The following SHANK2 variants were observed in gnomAD, a reference collection of about 807,000 sequenced individuals.
SHANK2 encodes the protein SH3 and multiple ankyrin repeat domains 2.
A neutral mutation model predicts 133.7 loss-of-function variants in SHANK2; 43 were observed. That is an observed-to-expected ratio of 0.32 (90% CI 0.25 to 0.41). The LOEUF is 0.41. SHANK2 is among the 10% of genes least tolerant of loss of function. SHANK2 has a pLI of 1.00. For synonymous variants in SHANK2, 1,017 were observed against 952.8 expected, an observed-to-expected ratio of 1.07 and a Z score of -1.24; for missense variants, 1,994 against 2,235.8, an observed-to-expected ratio of 0.89 and a Z score of 2.18.
intron 17 of SHANK2, among the ~76,000 whole-genome samples, chr11:70,625,249 G>A (rs562178041): frequency 6.6e-6 from 1 of 152,278 alleles, no homozygotes; most frequent in South Asian, 2.1e-4. Context: ...CAACACGCAT[G>A]GGGCATTGCC....
intron 17 of SHANK2, among the ~76,000 whole-genome samples, chr11:70,531,296 G>A (rs2059466680): frequency 6.6e-6 from 1 of 152,310 alleles, no homozygotes; most frequent in East Asian, 1.9e-4. Context: ...AGCCCCATGA[G>A]TGCCTCTCTG....
intron 17 of SHANK2, among the ~76,000 whole-genome samples, chr11:70,620,316 G>A (rs149838182): frequency 1.6e-3 from 247 of 152,292 alleles, no homozygotes; most frequent in African/African-American, 5.8e-3. Flanking sequence ...ACCTTGCCGG[G>A]GCCTCATCAG....
intron 2 of SHANK2, among the ~76,000 whole-genome samples, chr11:71,173,247 A>C (rs138512285): frequency 1.4e-3 from 215 of 152,396 alleles, no homozygotes; most frequent in Admixed American, 4.6e-3. Context: ...GGACAAGATG[A>C]AACGGAAGAG....
intron 10 of SHANK2, among the ~76,000 whole-genome samples, chr11:70,924,293 C>T (rs186374122): frequency 2.6e-5 from 4 of 151,734 alleles, no homozygotes; most frequent in African/African-American, 7.3e-5. Context: ...GAGCTCAGTC[C>T]GTGCCTCCTG....
chr11:71,184,147 G>A (rs1203040135), intron 2 of SHANK2, among the ~76,000 whole-genome samples: 6 of 152,118 alleles, frequency 3.9e-5, no homozygotes, highest in African/African-American at 1.4e-4. Context: ...TGCCTGGCAC[G>A]GTTCCCAGGC....
intron 1 of SHANK2, among the ~76,000 whole-genome samples, chr11:71,246,291 T>C (rs1555124978): frequency 1.3e-5 from 2 of 151,934 alleles, no homozygotes; most frequent in Non-Finnish European, 2.9e-5. Flanking sequence ...TCCAGACTCT[T>C]GGCCATTCCC....
At chr11:70,774,495 T>C (rs1296489864) in intron 14 of SHANK2, among the ~76,000 whole-genome samples, 1 of 152,122 alleles carries the variant, frequency 6.6e-6, no homozygotes, top group African/African-American at 2.4e-5. Flanking sequence ...AATTTTTGTA[T>C]TTTTAGTAGA....
chr11:70,516,185 G>A (rs1554970047), intron 17 of SHANK2, among the ~76,000 whole-genome samples: 2 of 152,168 alleles, frequency 1.3e-5, no homozygotes, highest in African/African-American at 2.4e-5. Context: ...AATATCGAAG[G>A]AGGACAAAGT....
At chr11:70,595,721 G>A (rs532358317) in intron 17 of SHANK2, among the ~76,000 whole-genome samples, 3 of 152,338 alleles carry the variant, frequency 2.0e-5, no homozygotes, top group African/African-American at 4.8e-5. Context: ...CCACCGCCCC[G>A]GGTAGCGGGG....
chr11:70,869,975 A>G (rs1018849994), intron 11 of SHANK2, among the ~76,000 whole-genome samples: 10 of 152,060 alleles, frequency 6.6e-5, no homozygotes, highest in Non-Finnish European at 1.3e-4. Flanking sequence ...GTCCCCCCAA[A>G]TCCATGTCCA....
intron 17 of SHANK2, among the ~76,000 whole-genome samples, chr11:70,624,532 C>T (rs78670228): frequency 2.9e-5 from 4 of 138,266 alleles, no homozygotes; most frequent in Admixed American, 7.3e-5. Context: ...CAACCTTCTT[C>T]AAAAAAAAAA....
intron 11 of SHANK2, among the ~76,000 whole-genome samples, chr11:70,890,669 C>T (rs1328322958): frequency 3.3e-5 from 5 of 151,798 alleles, no homozygotes; most frequent in East Asian, 1.9e-4. Flanking sequence ...TATGGTAGCG[C>T]GTGCCTGTAA....
chr11:70,736,983 G>A (rs1364754866), intron 14 of SHANK2, among the ~76,000 whole-genome samples: 1 of 152,194 alleles, frequency 6.6e-6, no homozygotes, highest in African/African-American at 2.4e-5. Flanking sequence ...CAGTTTCTGT[G>A]TGAATTTCTT....
At chr11:70,502,021 T>G in intron 19 of SHANK2, 90 bp from the exon 20 acceptor site, 1 of 1,443,330 alleles carries the variant, frequency 6.9e-7, no homozygotes, top group Non-Finnish European at 9.5e-7. Context: ...CCCGCGAGGC[T>G]CCGAGGGAGG....
At chr11:71,250,377 A>G (rs143782070) in intron 1 of SHANK2, among the ~76,000 whole-genome samples, 11 of 152,300 alleles carry the variant, frequency 7.2e-5, no homozygotes, top group African/African-American at 2.6e-4. Flanking sequence ...GAGCTGAATC[A>G]TTCAGGCACT....
At chr11:71,115,549 T>C (rs183151397) in intron 4 of SHANK2, among the ~76,000 whole-genome samples, 1 of 152,056 alleles carries the variant, frequency 6.6e-6, no homozygotes, top group East Asian at 1.9e-4. Context: ...CAAAGTCAAT[T>C]TGGGGACTTG....
At chr11:71,219,303 C>T (rs1328787512) in intron 2 of SHANK2, among the ~76,000 whole-genome samples, 1 of 152,220 alleles carries the variant, frequency 6.6e-6, no homozygotes, top group Non-Finnish European at 1.5e-5. Flanking sequence ...ATGAGCACGG[C>T]TGGGTGCCAA....
intron 10 of SHANK2, among the ~76,000 whole-genome samples, chr11:70,930,423 G>C (rs1469561289): frequency 6.6e-6 from 1 of 152,194 alleles, no homozygotes; most frequent in Non-Finnish European, 1.5e-5. Flanking sequence ...GGGGATGTTT[G>C]TTATGAGGCA....
At chr11:70,887,596 G>T (rs1555073784) in intron 11 of SHANK2, among the ~76,000 whole-genome samples, 1 of 152,032 alleles carries the variant, frequency 6.6e-6, no homozygotes, top group Non-Finnish European at 1.5e-5. Context: ...CATCGTAAGG[G>T]CACTGATTTC....
Sources: allele counts gnomAD v4.1 joint callset (sites outside exome capture counted in the v4.1 genomes callset), GRCh38; gene constraint gnomAD v4.1.1; transcripts MANE v1.5; gene names NCBI Gene and HGNC (gene_info 2026-07-23, HGNC 2026-07-21).